SEMA3E: variants seen among roughly 807,000 people sequenced by gnomAD.
The protein encoded by SEMA3E is semaphorin-3E.
Under a neutral mutation model 93.6 loss-of-function variants are expected in SEMA3E, and 49 were observed. The observed-to-expected ratio is 0.52, with a 90% CI of 0.42 to 0.66. The LOEUF (loss-of-function observed/expected upper bound fraction) is 0.66. SEMA3E is among the 30% of genes least tolerant of loss of function. The pLI is 0.00. For synonymous variants in SEMA3E, 363 were observed against 330.7 expected (o/e 1.10, Z -1.06); for missense variants, 906 against 964.8 (o/e 0.94, Z 0.81).
At chr7:83,384,282 T>A (rs1312231391) in intron 16 of SEMA3E, among the ~76,000 whole-genome samples, 1 of 152,070 alleles carries the variant, frequency 6.6e-6, no homozygotes, top group Non-Finnish European at 1.5e-5. Flanking sequence ...TGTATTCCAA[T>A]GACAAATGTT....
chr7:83,387,294 C>T (rs532726223), intron 14 of SEMA3E, among the ~76,000 whole-genome samples: 10 of 152,156 alleles, frequency 6.6e-5, no homozygotes, highest in African/African-American at 2.2e-4. Context: ...ACTCAAACAA[C>T]AATGGAATGT....
Position 83,521,085 on chromosome 7 carries a change from A to AT in SEMA3E, c.116-30812dup, listed in dbSNP as rs34057743. 9.6e-3 allele frequency among the ~76,000 whole-genome samples: 1,390 copies of AT among 144,910 alleles called. 12 individuals carry two copies. Among genetic ancestry groups the AT allele is most frequent in the Non-Finnish European group, 0.014 (916 of 65,682 alleles). On this transcript the variant is annotated intron_variant, in intron 1 of 16. Transcript: ENST00000643230. ...TTCGAGAAGGACCTCAACTTTTAAGATTTTTTTTTTTTTTTAGATTCTGTG... is the reference window on the plus strand; with the variant it reads ...TTCGAGAAGGACCTCAACTTTTAAGATTTTTTTTTTTTTTTTAGATTCTGTG...
intron 2 of SEMA3E, among the ~76,000 whole-genome samples, chr7:83,483,428 T>C (rs1177912545): frequency 6.6e-6 from 1 of 152,166 alleles, no homozygotes; most frequent in Admixed American, 6.5e-5. Context: ...TTTAATATCA[T>C]AATAGCTGTA....
chr7:83,533,827 T>C (rs56151653), intron 1 of SEMA3E, among the ~76,000 whole-genome samples: 22,202 of 152,114 alleles, frequency 0.15, 2,232 homozygotes, highest in Middle Eastern at 0.32. Flanking sequence ...GCTGGCTGGC[T>C]GGCCCAGGCA....
At chr7:83,550,268 G>A (rs1435689159) in intron 1 of SEMA3E, among the ~76,000 whole-genome samples, 1 of 151,972 alleles carries the variant, frequency 6.6e-6, no homozygotes, top group African/African-American at 2.4e-5. Context: ...TCCTTGTTTT[G>A]AAGAACTAAT....
chr7:83,495,605 G>A (rs1790475711), intron 1 of SEMA3E, among the ~76,000 whole-genome samples: 1 of 151,702 alleles, frequency 6.6e-6, no homozygotes, highest in Non-Finnish European at 1.5e-5. Context: ...GAAACAAATT[G>A]TTTTTAATAT....
chr7:83,613,910 C>A (rs1156758592), intron 1 of SEMA3E, among the ~76,000 whole-genome samples: 4 of 151,948 alleles, frequency 2.6e-5, no homozygotes, highest in Non-Finnish European at 4.4e-5. Context: ...AAAGATGTAG[C>A]ATCTCTTGAA....
intron 4 of SEMA3E, among the ~76,000 whole-genome samples, chr7:83,460,743 C>A (rs983058844): frequency 4.6e-5 from 7 of 150,944 alleles, no homozygotes; most frequent in Non-Finnish European, 1.0e-4. Context: ...TGTGCCCCGG[C>A]CCCTTATCTC....
Position 83,394,271 on chromosome 7 carries a change from T to TACACAC in SEMA3E, c.1500+20_1500+25dup, listed in dbSNP as rs71074649. On this transcript the variant is annotated intron_variant, in intron 13 of 16. Transcript: ENST00000643230. ...AGCTCACATATAGAACACACACACCTACACACACACACACACAGAACTTAC... is the reference window on the plus strand; with the variant it reads ...AGCTCACATATAGAACACACACACCTACACACACACACACACACACACAGAACTTAC... 1.1e-4 allele frequency: 166 copies of TACACAC among 1,489,758 alleles called. No individual in the cohort carries two copies. In the African/African-American group the frequency reaches 2.1e-3, roughly 19 times the overall value. 92.3% of individuals were successfully genotyped at this position (1,489,758 alleles called of 1,614,324 possible).
intron 11 of SEMA3E, among the ~76,000 whole-genome samples, chr7:83,399,673 T>C (rs576358619): frequency 7.3e-4 from 111 of 152,352 alleles, no homozygotes; most frequent in African/African-American, 2.6e-3. Flanking sequence ...CTTATTCATT[T>C]ATTCTTATGC....
At chr7:83,621,408 T>C (rs1239520486) in intron 1 of SEMA3E, among the ~76,000 whole-genome samples, 1 of 152,102 alleles carries the variant, frequency 6.6e-6, no homozygotes, top group Middle Eastern at 3.2e-3. Context: ...ATTGTGAAAA[T>C]GGCCATACTG....
chr7:83,462,201 C>G (rs766029676), intron 4 of SEMA3E: 1 of 152,238 alleles, frequency 6.6e-6, no homozygotes, highest in Non-Finnish European at 1.5e-5. Context: ...GTAACTCTCA[C>G]AGTGGAAGGT....
At chr7:83,647,108 C>T (rs769855649) in intron 1 of SEMA3E, among the ~76,000 whole-genome samples, 62 of 152,096 alleles carry the variant, frequency 4.1e-4, no homozygotes, top group Admixed American at 1.2e-3. Context: ...ATTCTGGGCA[C>T]TATATTTTAA....
At chr7:83,391,240 G>A (rs1442677161) in intron 14 of SEMA3E, among the ~76,000 whole-genome samples, 2 of 152,058 alleles carry the variant, frequency 1.3e-5, no homozygotes, top group Non-Finnish European at 2.9e-5. Flanking sequence ...ATTAAATAAA[G>A]TATTATATGC....
chr7:83,647,657 G>C (rs1462776598), intron 1 of SEMA3E, among the ~76,000 whole-genome samples: 1 of 152,088 alleles, frequency 6.6e-6, no homozygotes, highest in East Asian at 1.9e-4. Flanking sequence ...TTATTTATGA[G>C]TATGATGTTG....
At chr7:83,449,758 A>G (rs568939724) in intron 4 of SEMA3E, among the ~76,000 whole-genome samples, 2 of 152,268 alleles carry the variant, frequency 1.3e-5, no homozygotes, top group Admixed American at 1.3e-4. Context: ...TACATACATT[A>G]TACACATATA....
chr7:83,483,368 C>T (rs1379081564), intron 2 of SEMA3E, among the ~76,000 whole-genome samples: 1 of 152,044 alleles, frequency 6.6e-6, no homozygotes, highest in Non-Finnish European at 1.5e-5. Context: ...GGTTTTATCA[C>T]TTAATATGTT....
At chr7:83,498,653 T>C (rs1790539206) in intron 1 of SEMA3E, among the ~76,000 whole-genome samples, 1 of 151,924 alleles carries the variant, frequency 6.6e-6, no homozygotes. Flanking sequence ...AATTTTTGTA[T>C]TTTTTAGTAG....
At position 83,487,219 on chromosome 7, in the gene SEMA3E, T is replaced by A. The variant is rs73376739; in HGVS notation, c.276+2895A>T. Among the ~76,000 whole-genome samples the A allele has an allele frequency of 7.3e-3, 1,109 of 152,202 alleles. 14 individuals are homozygous for A. Among genetic ancestry groups the A allele is most frequent in the African/African-American group, 0.026 (1,061 of 41,532 alleles). ...ATCACATTACAATGAGAAGCTGCTA[T>A]CTCTTGGTCTTATGGTCCACATAGG... On this transcript the variant is annotated intron_variant, in intron 2 of 16. Coordinates refer to ENST00000643230, the MANE Select transcript of SEMA3E (RefSeq NM_012431.3).
Sources: allele counts gnomAD v4.1 joint callset (sites outside exome capture counted in the v4.1 genomes callset), GRCh38; gene constraint gnomAD v4.1.1; transcripts MANE v1.5; gene names NCBI Gene and HGNC (gene_info 2026-07-23, HGNC 2026-07-21).